FTO: variants seen among roughly 807,000 people sequenced by gnomAD.
FTO encodes the protein alpha-ketoglutarate-dependent dioxygenase FTO.
FTO carries 47 observed loss-of-function variants against 63.9 expected under a neutral mutation model. That is an observed-to-expected ratio of 0.74 (90% CI 0.58 to 0.94). FTO has a LOEUF of 0.94. Ranked by LOEUF, FTO falls within the 40% of genes least tolerant of loss-of-function variation. The pLI is 0.00. For missense variants in FTO, 562 were observed against 618.1 expected (o/e 0.91, Z 0.96); for synonymous variants, 207 against 224.4 (o/e 0.92, Z 0.69).
At chr16:54,061,522 T>C (rs1380388818) in intron 8 of FTO, 1 of 148,712 alleles carries the variant, frequency 6.7e-6, no homozygotes, top group Non-Finnish European at 1.5e-5. Flanking sequence ...AGATTGAACC[T>C]GTTTAAAAAA....
At chr16:53,808,180 A>G (rs1419038415) in intron 1 of FTO, among the ~76,000 whole-genome samples, 1 of 152,004 alleles carries the variant, frequency 6.6e-6, no homozygotes, top group Non-Finnish European at 1.5e-5. Flanking sequence ...AAAGTAAAAC[A>G]AAACTAGCCA....
intron 1 of FTO, among the ~76,000 whole-genome samples, chr16:53,744,825 T>C (rs1041637474): frequency 1.7e-4 from 12 of 69,238 alleles, no homozygotes; most frequent in South Asian, 3.7e-4. Context: ...GGACTTTTCT[T>C]CCCCCCCCCC....
intron 8 of FTO, among the ~76,000 whole-genome samples, chr16:53,951,732 G>C (rs569740223): frequency 6.6e-6 from 1 of 151,710 alleles, no homozygotes; most frequent in Non-Finnish European, 1.5e-5. Flanking sequence ...TATATTTTAC[G>C]TTAGGTTAGA....
At chr16:53,911,611 G>T in intron 7 of FTO, 1 of 639,506 alleles carries the variant, frequency 1.6e-6, no homozygotes, top group South Asian at 1.8e-5. Flanking sequence ...TCAACCTGGA[G>T]GTTCCTGAGA....
At chr16:53,742,366 A>G (rs1192024548) in intron 1 of FTO, among the ~76,000 whole-genome samples, 1 of 152,160 alleles carries the variant, frequency 6.6e-6, no homozygotes. Context: ...TGGGAAGGCA[A>G]GTTTTTTTTG....
intron 7 of FTO, among the ~76,000 whole-genome samples, chr16:53,904,224 A>T (rs2081479364): frequency 6.6e-6 from 1 of 152,030 alleles, no homozygotes; most frequent in Admixed American, 6.6e-5. Context: ...CCCCATTTCC[A>T]TTTGCATTTC....
intron 8 of FTO, among the ~76,000 whole-genome samples, chr16:53,986,038 T>G (rs2083658959): frequency 1.3e-5 from 2 of 152,220 alleles, no homozygotes; most frequent in Admixed American, 6.5e-5. Context: ...TCTGAAAAAC[T>G]GGCTGGTCTA....
At chr16:53,817,237 A>G (rs1006699244) in intron 2 of FTO, among the ~76,000 whole-genome samples, 1 of 152,198 alleles carries the variant, frequency 6.6e-6, no homozygotes, top group Non-Finnish European at 1.5e-5. Context: ...TTTTGTAGCA[A>G]AGCACATGTT....
chr16:53,939,243 T>C (rs1336383139), intron 8 of FTO, among the ~76,000 whole-genome samples: 2 of 152,190 alleles, frequency 1.3e-5, no homozygotes, highest in African/African-American at 4.8e-5. Flanking sequence ...GGCTTGACTA[T>C]CTATGTCTGG....
At position 53,922,625 on chromosome 16, in the gene FTO, G is replaced by A. The variant is rs144683487; in HGVS notation, c.1240-11360G>A. ...CTTGAAAGGAAAACACTGTGGTAAC[G>A]CATACATATTCCCCTCAGACTGAAA... On this transcript the variant is annotated intron_variant, in intron 7 of 8. Coordinates refer to ENST00000471389, the MANE Select transcript of FTO (RefSeq NM_001080432.3). Among the ~76,000 whole-genome samples the A allele has an allele frequency of 1.2e-4, 18 of 152,260 alleles. No homozygotes were observed. In the East Asian group the frequency reaches 1.7e-3, roughly 15 times the overall value.
intron 7 of FTO, among the ~76,000 whole-genome samples, chr16:53,906,619 G>C (rs1447274653): frequency 6.6e-6 from 1 of 152,226 alleles, no homozygotes; most frequent in Non-Finnish European, 1.5e-5. Context: ...AAGCTTCACA[G>C]TGAAGCATTT....
rs76518044 is a variant in FTO, at chr16:53,917,561, G to T, written c.1240-16424G>T. Among the ~76,000 whole-genome samples, 187 of 152,098 alleles carry T rather than the reference G, an allele frequency of 1.2e-3. 1 individual carries two copies. Among genetic ancestry groups the T allele is most frequent in the African/African-American group, 4.4e-3 (184 of 41,498 alleles). On this transcript the variant is annotated intron_variant, in intron 7 of 8. Transcript: ENST00000471389. ...TTATTGTTATGTTTTTGTTATTGTTGTTGACACATTTCTGATTATGTGTTT... is the reference window on the plus strand; with the variant it reads ...TTATTGTTATGTTTTTGTTATTGTTTTTGACACATTTCTGATTATGTGTTT...
At chr16:53,919,598 G>A (rs2081961663) in intron 7 of FTO, among the ~76,000 whole-genome samples, 2 of 152,132 alleles carry the variant, frequency 1.3e-5, no homozygotes, top group African/African-American at 4.8e-5. Flanking sequence ...CCAACAAGCG[G>A]ATAAAGAAAT....
At chr16:53,776,484 C>G (rs1025979157) in intron 1 of FTO, among the ~76,000 whole-genome samples, 1 of 152,142 alleles carries the variant, frequency 6.6e-6, no homozygotes, top group Non-Finnish European at 1.5e-5. Context: ...TTTTTGGCTT[C>G]AGAACCCTTT....
At chr16:54,064,722 G>A (rs1264923643) in intron 8 of FTO, among the ~76,000 whole-genome samples, 1 of 152,198 alleles carries the variant, frequency 6.6e-6, no homozygotes, top group South Asian at 2.1e-4. Flanking sequence ...CCAAGAACAC[G>A]TTGGTAATGG....
intron 8 of FTO, among the ~76,000 whole-genome samples, chr16:54,011,524 C>G (rs951683354): frequency 1.5e-4 from 23 of 152,130 alleles, no homozygotes; most frequent in African/African-American, 5.6e-4. Flanking sequence ...CCTCGTTTTA[C>G]TGGGCTTCAC....
At chr16:53,861,637 T>C (rs1323964634) in intron 4 of FTO, among the ~76,000 whole-genome samples, 1 of 152,208 alleles carries the variant, frequency 6.6e-6, no homozygotes, top group African/African-American at 2.4e-5. Context: ...ATTTTTAATA[T>C]TTATTTTAGG....
intron 8 of FTO, among the ~76,000 whole-genome samples, chr16:54,093,698 T>G (rs2086449768): frequency 6.6e-6 from 1 of 152,196 alleles, no homozygotes; most frequent in Non-Finnish European, 1.5e-5. Context: ...CCTTATGACC[T>G]TCTGAATTTT....
chr16:53,759,098 A>G (rs2076988038), intron 1 of FTO, among the ~76,000 whole-genome samples: 1 of 152,198 alleles, frequency 6.6e-6, no homozygotes. Flanking sequence ...ATAGGGGTTC[A>G]TTATATTATT....
Sources: gnomAD v4.1 joint callset for allele counts (sites outside exome capture counted in the v4.1 genomes callset) on GRCh38, gnomAD v4.1.1 for gene constraint, MANE v1.5 for transcripts, NCBI Gene and HGNC (gene_info 2026-07-23, HGNC 2026-07-21) for gene names.